Variants in TMEM117 observed in about 807,000 individuals in gnomAD.
The protein encoded by TMEM117 is transmembrane protein 117.
TMEM117 carries 27 observed loss-of-function variants against 52.4 expected under a neutral mutation model. The ratio of observed to expected loss-of-function variants is 0.51; its 90% CI spans 0.38 to 0.71. The LOEUF is 0.71. Among genes scored for constraint, TMEM117 ranks in the 30% least tolerant of loss-of-function variants. The pLI, the probability that TMEM117 is intolerant of heterozygous loss-of-function variation, is 0.00. For synonymous variants in TMEM117, 215 were observed against 206.3 expected (o/e 1.04, Z -0.36); for missense variants, 556 against 630.5 (o/e 0.88, Z 1.26).
chr12:43,967,022 G>T (rs566575305), intron 3 of TMEM117, among the ~76,000 whole-genome samples: 1 of 152,098 alleles, frequency 6.6e-6, no homozygotes. Context: ...CTACTTCCTG[G>T]TATTAAGCCC....
intron 3 of TMEM117, among the ~76,000 whole-genome samples, chr12:44,127,902 C>T (rs1948352374): frequency 6.6e-6 from 1 of 151,570 alleles, no homozygotes; most frequent in Non-Finnish European, 1.5e-5. Flanking sequence ...ATGTGTATGC[C>T]AATGTCTGTC....
chr12:44,396,470 TG>T, the TMEM117 span, among the ~76,000 whole-genome samples: 3 of 151,808 alleles, frequency 2.0e-5, no homozygotes, highest in Admixed American at 1.3e-4. Flanking sequence ...TGACTTGGTG[TG>T]GGGGGGAGGA....
chr12:43,977,394 G>A (rs775965262), intron 3 of TMEM117, among the ~76,000 whole-genome samples: 24 of 152,006 alleles, frequency 1.6e-4, no homozygotes, highest in African/African-American at 4.8e-4. Context: ...TTGATGTGTC[G>A]TGCTGGAATC....
intron 3 of TMEM117, among the ~76,000 whole-genome samples, chr12:44,041,264 G>T (rs572809126): frequency 2.6e-5 from 3 of 115,282 alleles, no homozygotes; most frequent in Non-Finnish European, 5.0e-5. Flanking sequence ...CCCACAACAG[G>T]CCCCAGTGTG....
intron 2 of TMEM117, among the ~76,000 whole-genome samples, chr12:43,909,480 C>A (rs1408543478): frequency 7.5e-6 from 1 of 134,212 alleles, no homozygotes; most frequent in Non-Finnish European, 1.6e-5. Context: ...TAGCAGAAGG[C>A]AAGAAATAGC....
chr12:43,839,088 A>T, intron 1 of TMEM117, among the ~76,000 whole-genome samples: 1 of 152,080 alleles, frequency 6.6e-6, no homozygotes, highest in African/African-American at 2.4e-5. Context: ...AGTAAATTTT[A>T]TTAGTTATTT....
chr12:43,944,532 T>G (rs1375709524), intron 3 of TMEM117, among the ~76,000 whole-genome samples, 190 bp downstream of exon 3: 1 of 152,190 alleles, frequency 6.6e-6, no homozygotes, highest in African/African-American at 2.4e-5. Context: ...ATATAGTACA[T>G]TACAATATTT....
chr12:44,153,210 G>T lies in TMEM117; in HGVS notation c.510+9586G>T, dbSNP rs181345838. Among the ~76,000 whole-genome samples the T allele has an allele frequency of 4.0e-3, 605 of 152,060 alleles. 3 individuals are homozygous for T. The highest frequency in any genetic ancestry group is 0.014 in the Middle Eastern group (4 of 294). Reference sequence around the variant, plus strand: ...AGGTGGAGACACTGAAGCTTAGGAGGTTAAGTGTCTTGCCCTTGCCCAAGG... The same window carrying T: ...AGGTGGAGACACTGAAGCTTAGGAGTTTAAGTGTCTTGCCCTTGCCCAAGG... On this transcript the variant is annotated intron_variant, in intron 4 of 7. Coordinates refer to ENST00000266534, the MANE Select transcript of TMEM117 (RefSeq NM_032256.3).
chr12:44,025,610 T>C (rs1946521012), intron 3 of TMEM117, among the ~76,000 whole-genome samples: 1 of 152,210 alleles, frequency 6.6e-6, no homozygotes, highest in Admixed American at 6.5e-5. Context: ...AATGAAATGC[T>C]GGGACAATTT....
intron 3 of TMEM117, among the ~76,000 whole-genome samples, chr12:43,974,277 G>T (rs1489917811): frequency 6.6e-6 from 1 of 152,156 alleles, no homozygotes; most frequent in African/African-American, 2.4e-5. Context: ...TACTTCTCTA[G>T]TTGAATCCCA....
At chr12:43,916,073 A>G (rs1024516944) in intron 2 of TMEM117, among the ~76,000 whole-genome samples, 2 of 152,118 alleles carry the variant, frequency 1.3e-5, no homozygotes, top group Non-Finnish European at 2.9e-5. Context: ...CTACTAACTT[A>G]TTCTTCTTTT....
chr12:44,331,185 A>T (rs1324411415), intron 6 of TMEM117, among the ~76,000 whole-genome samples: 12 of 139,588 alleles, frequency 8.6e-5, no homozygotes, highest in African/African-American at 2.3e-4. Context: ...ACCTTTTTTT[A>T]AAAAAAAAAA....
At chr12:44,170,732 T>A (rs1949033547) in intron 4 of TMEM117, among the ~76,000 whole-genome samples, 1 of 152,186 alleles carries the variant, frequency 6.6e-6, no homozygotes, top group African/African-American at 2.4e-5. Flanking sequence ...TGTGACTTTT[T>A]AAAATTAATT....
At chr12:43,991,948 C>A (rs1945949469) in intron 3 of TMEM117, among the ~76,000 whole-genome samples, 1 of 151,984 alleles carries the variant, frequency 6.6e-6, no homozygotes, top group African/African-American at 2.4e-5. Flanking sequence ...TTGCTTGAGC[C>A]CAGGAGTTTG....
chr12:43,923,765 C>G (rs1944732703), intron 2 of TMEM117, among the ~76,000 whole-genome samples: 1 of 151,974 alleles, frequency 6.6e-6, no homozygotes, highest in Admixed American at 6.6e-5. Context: ...CATGTAAAAC[C>G]ATTGAGTACA....
rs61352410 is a variant in TMEM117 at position 44,309,776 on chromosome 12, TAAA to T, written c.768+10051_768+10053del. ...AGTCTGGATTCAGCAGAATGAGAAT[TAAA>T]AAAAAAAAAAAAACAGATCTGTCTG... On this transcript the variant is annotated intron_variant, in intron 6 of 7. Transcript: ENST00000266534. Among the ~76,000 whole-genome samples, 885 of 134,666 alleles carry T rather than the reference TAAA, an allele frequency of 6.6e-3. 11 individuals carry two copies. The highest frequency in any genetic ancestry group is 0.021 in the African/African-American group (802 of 38,154). 88.3% of individuals were successfully genotyped at this position (134,666 alleles called of 152,430 possible). A position where few individuals can be genotyped will look rare whatever the true frequency, so the allele number is the denominator to read the frequency against.
intron 5 of TMEM117, among the ~76,000 whole-genome samples, chr12:44,283,585 C>G (rs1950603331): frequency 6.6e-6 from 1 of 152,164 alleles, no homozygotes; most frequent in South Asian, 2.1e-4. Context: ...TTACCCAATA[C>G]CTGTACCCCC....
intron 3 of TMEM117, among the ~76,000 whole-genome samples, chr12:43,957,228 A>G (rs1485874237): frequency 6.6e-6 from 1 of 152,128 alleles, no homozygotes; most frequent in Non-Finnish European, 1.5e-5. Context: ...TGATGGGTTG[A>G]TAGGTGCAGC....
intron 2 of TMEM117, among the ~76,000 whole-genome samples, chr12:43,855,905 A>G (rs1047734233): frequency 6.6e-6 from 1 of 152,248 alleles, no homozygotes; most frequent in Non-Finnish European, 1.5e-5. Flanking sequence ...CAAGGTAGTC[A>G]TGGTAATACA....
Sources: allele counts gnomAD v4.1 joint callset (sites outside exome capture counted in the v4.1 genomes callset), GRCh38; gene constraint gnomAD v4.1.1; transcripts MANE v1.5; gene names NCBI Gene and HGNC (gene_info 2026-07-23, HGNC 2026-07-21).